Variants in ATP9B observed in about 807,000 individuals in gnomAD.
ATP9B encodes ATPase phospholipid transporting 9B, also known as probable phospholipid-transporting ATPase IIB.
In ATP9B, 110 loss-of-function variants were observed where a neutral mutation model predicts 146.1. The ratio of observed to expected loss-of-function variants is 0.75; its 90% CI spans 0.65 to 0.88. The LOEUF is 0.88. Ranked by LOEUF, ATP9B falls within the 40% of genes least tolerant of loss-of-function variation. The pLI is 0.00. For synonymous variants in ATP9B, 604 were observed against 569.7 expected, an observed-to-expected ratio of 1.06 and a Z score of -0.86; for missense variants, 1,499 against 1,496.4, an observed-to-expected ratio of 1.00 and a Z score of -0.03.
At chr18:79,241,733 C>A (rs146926508) in intron 11 of ATP9B, among the ~76,000 whole-genome samples, 1 of 152,330 alleles carries the variant, frequency 6.6e-6, no homozygotes, top group Non-Finnish European at 1.5e-5. Flanking sequence ...ACTCTAAGTG[C>A]TTTAATGGTA....
rs141596409 is a variant in ATP9B at position 79,220,218 on chromosome 18, T to C, written c.1107+6180T>C. On this transcript the variant is annotated intron_variant, in intron 11 of 29. Transcript: ENST00000426216. The stretch of plus-strand genomic sequence containing the variant: ...CTTCGAGTACAGTGATGAAAATGAG[T>C]TGTTGAAGTTTGGAGGCTGTTACAG... 2.4e-3 allele frequency among the ~76,000 whole-genome samples: 365 copies of C among 152,010 alleles called. 2 individuals carry two copies. Among genetic ancestry groups the C allele is most frequent in the South Asian group, 6.2e-3 (30 of 4,808 alleles).
intron 8 of ATP9B, among the ~76,000 whole-genome samples, chr18:79,186,515 A>G (rs7239376): frequency 0.56 from 85,254 of 151,850 alleles, 25,662 homozygotes; most frequent in African/African-American, 0.79. Context: ...TGTATCAAAA[A>G]GTAGTTTGAG....
At position 79,082,704 on chromosome 18, in the gene ATP9B, G is replaced by C. The variant is rs185560642; in HGVS notation, c.119+13175G>C. On this transcript the variant is annotated intron_variant, in intron 1 of 29. Coordinates refer to ENST00000426216, the MANE Select transcript of ATP9B (RefSeq NM_198531.5). ...TGGAGTTTGCTGGAGATCCACTCCA[G>C]ATCCTGTTTACCTGGGTTTCACCAG... Among the ~76,000 whole-genome samples, 410 of 152,326 alleles carry C rather than the reference G, an allele frequency of 2.7e-3. 9 individuals carry two copies. Among genetic ancestry groups the C allele is most frequent in the Admixed American group, 0.025 (375 of 15,298 alleles).
chr18:79,099,324 C>T (rs925906842), intron 2 of ATP9B, among the ~76,000 whole-genome samples: 16 of 151,946 alleles, frequency 1.1e-4, no homozygotes, highest in African/African-American at 3.6e-4. Flanking sequence ...TGGGTTCAAG[C>T]GATTCTCCTT....
chr18:79,319,430 T>A (rs2096702688), intron 15 of ATP9B, among the ~76,000 whole-genome samples: 1 of 150,742 alleles, frequency 6.6e-6, no homozygotes, highest in Non-Finnish European at 1.5e-5. Context: ...CTAACGTGAG[T>A]GAATAGGGAG....
At chr18:79,342,601 T>C (rs1020616812) in intron 20 of ATP9B, among the ~76,000 whole-genome samples, 6 of 150,002 alleles carry the variant, frequency 4.0e-5, no homozygotes, top group African/African-American at 7.5e-5. Flanking sequence ...AAAAAATAAA[T>C]AAATAATTAA....
chr18:79,208,792 TACAAAGAA>T (rs1419746206), intron 10 of ATP9B, among the ~76,000 whole-genome samples: 3 of 151,872 alleles, frequency 2.0e-5, no homozygotes, highest in East Asian at 1.9e-4. Context: ...TTTCTTAACA[TACAAAGAA>T]AGAGAACAAG....
In ATP9B at chr18:79,298,994, TC is replaced by T. The variant is rs916769062; in HGVS notation, c.1412-4607del. 1.3e-4 allele frequency among the ~76,000 whole-genome samples: 20 copies of T among 152,204 alleles called. 1 individual carries two copies. The highest frequency in any genetic ancestry group is 4.8e-4 in the African/African-American group (20 of 41,442). ...TGGATCCGGAGCCTCCACATTCAGT[TC>T]CCAAGTCCAGTTGATGCTCTTTTCT... On this transcript the variant is annotated intron_variant, in intron 13 of 29. Coordinates refer to ENST00000426216, the MANE Select transcript of ATP9B (RefSeq NM_198531.5).
At chr18:79,308,182 A>T (rs776423714) in intron 15 of ATP9B, among the ~76,000 whole-genome samples, 6 of 152,232 alleles carry the variant, frequency 3.9e-5, no homozygotes, top group Non-Finnish European at 7.3e-5. Flanking sequence ...GACAGACCAT[A>T]GCAAGGACTG....
intron 23 of ATP9B, among the ~76,000 whole-genome samples, 194 bp from the exon 24 acceptor site, chr18:79,347,576 G>A (rs533521386): frequency 3.7e-4 from 57 of 152,360 alleles, no homozygotes; most frequent in African/African-American, 1.3e-3. Flanking sequence ...AGCCTGGGCT[G>A]GTGCTGGGGG....
Position 79,247,432 on chromosome 18 carries a change from G to C in ATP9B, c.1108-5949G>C, listed in dbSNP as rs565782760. On this transcript the variant is annotated intron_variant, in intron 11 of 29. Transcript: ENST00000426216. ...TAGAGCCAGTATTGACATTTCTCAA[G>C]CGATCTAGGAGTCCAGCAGTTTGAG... is the stretch of plus-strand genomic sequence containing the variant. Among the ~76,000 whole-genome samples the C allele has an allele frequency of 2.0e-5, 3 of 152,312 alleles. No homozygotes were observed. In the South Asian group the frequency reaches 6.2e-4, roughly 32 times the overall value.
At chr18:79,267,154 A>G (rs1392066134) in intron 12 of ATP9B, among the ~76,000 whole-genome samples, 1 of 152,074 alleles carries the variant, frequency 6.6e-6, no homozygotes, top group Non-Finnish European at 1.5e-5. Flanking sequence ...TTGCAAAGTT[A>G]TAGTTTTCAA....
intron 1 of ATP9B, among the ~76,000 whole-genome samples, chr18:79,073,228 G>A (rs2072165342): frequency 6.6e-6 from 1 of 152,184 alleles, no homozygotes; most frequent in Non-Finnish European, 1.5e-5. Flanking sequence ...AGATGGGGTG[G>A]CAGCTGGGCA....
At chr18:79,214,138 A>G (rs2095607414) in intron 11 of ATP9B, 100 bp downstream of exon 11, 2 of 714,460 alleles carry the variant, frequency 2.8e-6, no homozygotes, top group South Asian at 3.4e-5. Context: ...GGCTTAACAT[A>G]TATCTTAAAG....
chr18:79,208,538 G>A (rs976500086), intron 10 of ATP9B, among the ~76,000 whole-genome samples: 19 of 152,128 alleles, frequency 1.2e-4, no homozygotes, highest in African/African-American at 4.3e-4. Context: ...ACTATACAAC[G>A]AACTCCAGGA....
intron 1 of ATP9B, among the ~76,000 whole-genome samples, chr18:79,073,610 G>T (rs1168460542): frequency 6.6e-6 from 1 of 152,124 alleles, no homozygotes; most frequent in African/African-American, 2.4e-5. Context: ...GAGGGAGACC[G>T]TGGAAAGCGG....
chr18:79,140,959 A>G (rs1011719527), intron 5 of ATP9B, among the ~76,000 whole-genome samples: 1 of 152,230 alleles, frequency 6.6e-6, no homozygotes, highest in African/African-American at 2.4e-5. Context: ...ATTTATTGCT[A>G]GAAAGATTTA....
intron 11 of ATP9B, among the ~76,000 whole-genome samples, chr18:79,229,703 T>C (rs1258008121): frequency 1.3e-5 from 2 of 152,236 alleles, no homozygotes; most frequent in East Asian, 1.9e-4. Flanking sequence ...TTGCCAAGTT[T>C]CCTTGCATTC....
chr18:79,193,186 CTT>C lies in ATP9B; in HGVS notation c.882_883del (p.Ser295TyrfsTer27). On this transcript the variant is annotated frameshift_variant, in exon 9 of 30. Coordinates refer to ENST00000426216, the MANE Select transcript of ATP9B (RefSeq NM_198531.5). LOFTEE classifies it high-confidence loss of function. ...ATTCAAATGTTCTGTATTCCAGGAC[CTT>C]TTTTCTATCAGTGCTTATGTTTATG... ...CTQQLPALGD[L>X]FSISAYVYAQ... 3 of 1,600,392 alleles carry C rather than the reference CTT, an allele frequency of 1.9e-6. No homozygotes were observed. Among genetic ancestry groups the C allele is most frequent in the Non-Finnish European group, 1.7e-6 (2 of 1,169,332 alleles).
Sources: gnomAD v4.1 joint callset for allele counts (sites outside exome capture counted in the v4.1 genomes callset) on GRCh38, gnomAD v4.1.1 for gene constraint, MANE v1.5 for transcripts, NCBI Gene and HGNC (gene_info 2026-07-23, HGNC 2026-07-21) for gene names.